The following PMPCA variants were observed in gnomAD, a reference collection of about 807,000 sequenced individuals.
The protein encoded by PMPCA is mitochondrial-processing peptidase subunit alpha.
A neutral mutation model predicts 59.3 loss-of-function variants in PMPCA; 47 were observed. That is an observed-to-expected ratio of 0.79 (90% CI 0.63 to 1.01). The LOEUF (loss-of-function observed/expected upper bound fraction) is 1.01. PMPCA is among the 50% of genes least tolerant of loss of function. The probability of loss-of-function intolerance (pLI) is 0.00; values close to 1 mark genes in which losing one functional copy is unlikely to be tolerated. For synonymous variants in PMPCA, 338 were observed against 290.3 expected, an observed-to-expected ratio of 1.16 and a Z score of -1.67; for missense variants, 726 against 704.5, an observed-to-expected ratio of 1.03 and a Z score of -0.34.
At chr9:136,418,415 T>C (rs936993380) in intron 8 of PMPCA, 140 bp from the exon 9 acceptor site, 6 of 699,062 alleles carry the variant, frequency 8.6e-6, no homozygotes, top group Non-Finnish European at 1.0e-5. Context: ...CAGCCAGCTC[T>C]GCCCTCCGTC....
chr9:136,419,234 C>T (rs1184021358), intron 11 of PMPCA, 128 bp downstream of exon 11: 1 of 904,772 alleles, frequency 1.1e-6, no homozygotes. Flanking sequence ...CAGGGCAGGG[C>T]AGGGCAGGGC....
At position 136,417,048 on chromosome 9, in the gene PMPCA, A is replaced by G. The variant is rs150706625; in HGVS notation, c.731A>G (p.Asn244Ser). 1.1e-5 allele frequency: 17 copies of G among 1,613,822 alleles called. No individual in the cohort carries two copies. The African/African-American group carries it at 1.5e-4, about 14-fold the overall frequency. ...GAGGTGCTGCATTCCTACCTGAGGAACTACTACACTCCCGACCGCATGGTG... is the reference window on the plus strand; with the variant it reads ...GAGGTGCTGCATTCCTACCTGAGGAGCTACTACACTCCCGACCGCATGGTG... Reference protein sequence around the residue: ...NREVLHSYLRNYYTPDRMVLA... With the variant: ...NREVLHSYLRSYYTPDRMVLA... Residue 244 changes from asparagine (N) to serine (S), a missense_variant, in exon 7 of 13, where the codon AAC becomes AGC. Transcript: ENST00000371717.
At position 136,418,934 on chromosome 9, in the gene PMPCA, G is replaced by C; in HGVS notation, c.1200+16G>C. On this transcript the variant is annotated intron_variant, in intron 10 of 12. Coordinates refer to ENST00000371717, the MANE Select transcript of PMPCA (RefSeq NM_015160.3). ...CCCAAGACAGGTGAGGGCCCCGCCT[G>C]CCACCGTCCTCAGTGCGGTTGCCTG... 1.2e-6 allele frequency: 2 copies of C among 1,611,788 alleles called. No homozygotes were observed. The highest frequency in any genetic ancestry group is 1.7e-4 in the Middle Eastern group (1 of 6,060).
chr9:136,415,200 GT>G (rs1205043545), intron 5 of PMPCA, among the ~76,000 whole-genome samples: 3 of 152,208 alleles, frequency 2.0e-5, no homozygotes, highest in Non-Finnish European at 4.4e-5. Context: ...CAGCCCAGGA[GT>G]TCGAGACCAG....
chr9:136,412,754 G>C (rs1190504533), intron 3 of PMPCA, 56 bp from the exon 4 acceptor site: 1 of 1,064,546 alleles, frequency 9.4e-7, no homozygotes, highest in Non-Finnish European at 1.4e-6. Flanking sequence ...AAAAAAAATT[G>C]TGTTTCAGGG....
Position 136,410,678 on chromosome 9 carries a change from G to T in PMPCA, c.10G>T (p.Val4Leu). 1 of 1,416,322 alleles carries T rather than the reference G, an allele frequency of 7.1e-7. No individual in the cohort carries two copies. 87.7% of individuals were successfully genotyped at this position (1,416,322 alleles called of 1,614,324 possible). A position where few individuals can be genotyped will look rare whatever the true frequency, so the allele number is the denominator to read the frequency against. MAA[V>L]VLAATRLLRG... The stretch of plus-strand genomic sequence containing the variant: ...GGGGCGGAGACGCAAGATGGCGGCT[G>T]TGGTGCTGGCGGCGACGCGGTTGCT... Residue 4 changes from valine (V) to leucine (L), a missense_variant, in exon 1 of 13, where the codon GTG becomes TTG. Transcript: ENST00000371717.
chr9:136,414,635 C>A lies in PMPCA; in HGVS notation c.520C>A (p.Pro174Thr). ...CTTACTGGCTGATGTGGTTCTGCAGCCCCGGCTAACAGGTGTGGATCCCAG... is the reference window on the plus strand; with the variant it reads ...CTTACTGGCTGATGTGGTTCTGCAGACCCGGCTAACAGGTGTGGATCCCAG... Reference protein sequence around the residue: ...VALLADVVLQPRLTDEEVEMT... With the variant: ...VALLADVVLQTRLTDEEVEMT... Residue 174 changes from proline (P) to threonine (T), a missense_variant, in exon 5 of 13, where the codon CCC (proline) becomes ACC (threonine). By Grantham distance (38) the Pro-to-Thr change is conservative. Coordinates refer to ENST00000371717, the MANE Select transcript of PMPCA (RefSeq NM_015160.3). 1.2e-6 allele frequency: 2 copies of A among 1,610,250 alleles called. No homozygotes were observed. The highest frequency in any genetic ancestry group is 1.7e-6 in the Non-Finnish European group (2 of 1,176,494).
At position 136,421,813 on chromosome 9, in the gene PMPCA, G is replaced by C. The variant is rs1240309842; in HGVS notation, c.1264-19G>C. The C allele has an allele frequency of 6.4e-7, 1 of 1,573,238 alleles. No homozygotes were observed. The highest frequency in any genetic ancestry group is 1.7e-5 in the Admixed American group (1 of 58,608). ...GCACGGGGCGGGTGTGTGCTCACCTGACTGGACCCTGGCCCCAGGTGGAGC... is the reference window on the plus strand; with the variant it reads ...GCACGGGGCGGGTGTGTGCTCACCTCACTGGACCCTGGCCCCAGGTGGAGC... On this transcript the variant is annotated intron_variant, in intron 11 of 12. Coordinates refer to ENST00000371717, the MANE Select transcript of PMPCA (RefSeq NM_015160.3).
chr9:136,421,403 C>T (rs969500271), intron 11 of PMPCA, among the ~76,000 whole-genome samples: 1 of 116,114 alleles, frequency 8.6e-6, no homozygotes, highest in Non-Finnish European at 1.9e-5. Context: ...CCTGGGTTCC[C>T]GTTTTTTTTT....
chr9:136,419,003 A>C, intron 10 of PMPCA, 41 bp from the exon 11 acceptor site: 2 of 1,598,498 alleles, frequency 1.3e-6, no homozygotes, highest in Non-Finnish European at 1.7e-6. Flanking sequence ...GTAGGCCGGC[A>C]GGCGCAGGCC....
intron 3 of PMPCA, 60 bp downstream of exon 3, chr9:136,412,629 CTT>C (rs1488756242): frequency 4.4e-6 from 4 of 917,962 alleles, no homozygotes; most frequent in Non-Finnish European, 7.1e-6. Context: ...TGAGATTTTT[CTT>C]GTCTATAATG....
rs1835225238 is a variant in PMPCA at position 136,414,650 on chromosome 9, G to A, written c.532+3G>A. 1 of 1,600,158 alleles carries A rather than the reference G, an allele frequency of 6.2e-7. No homozygotes were observed. Among genetic ancestry groups the A allele is most frequent in the Non-Finnish European group, 8.6e-7 (1 of 1,167,258 alleles). On this transcript the variant is annotated splice_donor_region_variant and intron_variant, in intron 5 of 12. Transcript: ENST00000371717. Reference sequence around the variant, plus strand: ...GGTTCTGCAGCCCCGGCTAACAGGTGTGGATCCCAGCCGCTGGCGTTTGAG... The same window carrying A: ...GGTTCTGCAGCCCCGGCTAACAGGTATGGATCCCAGCCGCTGGCGTTTGAG...
intron 8 of PMPCA, 34 bp downstream of exon 8, chr9:136,418,143 G>A: frequency 6.8e-7 from 1 of 1,462,760 alleles, no homozygotes; most frequent in Non-Finnish European, 9.6e-7. Flanking sequence ...TGGCGTTCCT[G>A]ATGCAGTGTG....
chr9:136,412,301 C>T (rs1032696493), intron 2 of PMPCA, 102 bp downstream of exon 2: 27 of 940,634 alleles, frequency 2.9e-5, no homozygotes, highest in Admixed American at 8.7e-5. Flanking sequence ...GAATTGTACC[C>T]TGAGTGGAAA....
At chr9:136,414,053 A>G (rs1835205678) in intron 4 of PMPCA, among the ~76,000 whole-genome samples, 2 of 152,340 alleles carry the variant, frequency 1.3e-5, no homozygotes, top group African/African-American at 2.4e-5. Context: ...CAGTGAGACA[A>G]GCTCCATACG....
In PMPCA at chr9:136,412,060, T is replaced by C; in HGVS notation, c.135T>C (p.Ser45=). Residue 45 remains serine (S), a synonymous_variant, in exon 2 of 13, where the codon TCT becomes TCC. Transcript: ENST00000371717. ...SGGAYPNIPL[S]SPLPGVPKPV... is the part of the protein sequence containing the mutation. The stretch of plus-strand genomic sequence containing the variant: ...GTGCCTATCCCAACATCCCCCTCTC[T>C]TCTCCCTTACCTGGAGTACCCAAGC... 27 of 1,613,570 alleles carry C rather than the reference T, an allele frequency of 1.7e-5. No individual in the cohort carries two copies. The highest frequency in any genetic ancestry group is 2.3e-5 in the Non-Finnish European group (27 of 1,179,518).
In PMPCA at chr9:136,412,486, C is replaced by T. The variant is rs1835160568; in HGVS notation, c.275-4C>T. ...TAACCTGTCAATTTTCTTTTTACTA[C>T]TAGTTCTTATCAATTCAGGATCGAG... On this transcript the variant is annotated splice_region_variant and splice_polypyrimidine_tract_variant and intron_variant, in intron 2 of 12. Coordinates refer to ENST00000371717, the MANE Select transcript of PMPCA (RefSeq NM_015160.3). The T allele has an allele frequency of 6.9e-7, 1 of 1,449,652 alleles. No individual in the cohort carries two copies. The highest frequency in any genetic ancestry group is 1.2e-5 in the South Asian group (1 of 83,356). 89.8% of individuals were successfully genotyped at this position (1,449,652 alleles called of 1,614,324 possible).
In PMPCA at chr9:136,423,081, G is replaced by T; in HGVS notation, c.1409-14G>T. ...TGGCGCGCTCGTGTGACACGCGTTT[G>T]CCCTCTGCACTAGGCAACGTGAAGC... On this transcript the variant is annotated splice_polypyrimidine_tract_variant and intron_variant, in intron 12 of 12. Coordinates refer to ENST00000371717, the MANE Select transcript of PMPCA (RefSeq NM_015160.3). The T allele has an allele frequency of 6.2e-7, 1 of 1,607,594 alleles. No individual in the cohort carries two copies.
rs775376057 is a variant in PMPCA, at chr9:136,423,270, C to T, written c.*6C>T. 5.0e-6 allele frequency: 8 copies of T among 1,607,724 alleles called. No individual in the cohort carries two copies. In the South Asian group the frequency reaches 8.8e-5, roughly 18 times the overall value. Reference sequence around the variant, plus strand: ...CGTACCGGCTCTTCCGGTAGAACCGCTCCCCGGCCTGACAGACCCAGGGAG... The same window carrying T: ...CGTACCGGCTCTTCCGGTAGAACCGTTCCCCGGCCTGACAGACCCAGGGAG... On this transcript the variant is annotated 3_prime_UTR_variant, in exon 13 of 13. Coordinates refer to ENST00000371717, the MANE Select transcript of PMPCA (RefSeq NM_015160.3).
Sources: allele counts gnomAD v4.1 joint callset (sites outside exome capture counted in the v4.1 genomes callset), GRCh38; gene constraint gnomAD v4.1.1; transcripts MANE v1.5; gene names NCBI Gene and HGNC (gene_info 2026-07-23, HGNC 2026-07-21).